LILRB3: variants seen among roughly 807,000 people sequenced by gnomAD.
LILRB3 encodes the protein leukocyte immunoglobulin-like receptor subfamily B member 3.
Under a neutral mutation model 68.2 loss-of-function variants are expected in LILRB3, and 32 were observed. The observed-to-expected ratio is 0.47, with a 90% CI of 0.35 to 0.63. LILRB3 has a LOEUF of 0.63. LILRB3 is among the 30% of genes least tolerant of loss of function. The pLI is 0.00. For missense variants in LILRB3, 502 were observed against 791.3 expected (o/e 0.63, Z 4.39); for synonymous variants, 185 against 323.1 (o/e 0.57, Z 4.58).
chr19:54,219,707 C>G, intron 7 of LILRB3: 1 of 983,442 alleles, frequency 1.0e-6, no homozygotes. Flanking sequence ...AAGGAACTTT[C>G]CCACCCACAG....
At chr19:54,216,853 T>C in exon 13 of LILRB3, 1 of 1,407,852 alleles carries the variant, frequency 7.1e-7, no homozygotes, top group South Asian at 1.6e-5. Context: ...TGTTTTTGTT[T>C]TTTGTTTTTT....
exon 8 of LILRB3, chr19:54,219,239 C>A: frequency 6.4e-7 from 1 of 1,573,236 alleles, no homozygotes; most frequent in South Asian, 1.2e-5. Flanking sequence ...CAGGTATCTT[C>A]CCAGACCTTG....
chr19:54,219,869 C>A (rs255772), intron 7 of LILRB3: 2 of 1,549,060 alleles, frequency 1.3e-6, no homozygotes, highest in Admixed American at 2.0e-5. Context: ...CCTCACTCAC[C>A]ATTCTGAGGG....
intron 7 of LILRB3, 142 bp from the exon 8 acceptor site, chr19:54,219,387 A>G: frequency 1.4e-6 from 2 of 1,457,078 alleles, no homozygotes; most frequent in African/African-American, 1.4e-5. Flanking sequence ...CGTACAACCC[A>G]TTTCACAGAT....
intron 11 of LILRB3, 57 bp downstream of exon 11, chr19:54,218,304 C>T (rs2077693893): frequency 4.4e-6 from 7 of 1,606,984 alleles, no homozygotes; most frequent in Admixed American, 3.3e-5. Context: ...AGAAGTCCTG[C>T]AGGATTAGAT....
chr19:54,218,375 C>T (rs2077703118), exon 11 of LILRB3: 1 of 1,614,018 alleles, frequency 6.2e-7, no homozygotes, highest in Non-Finnish European at 8.5e-7. Context: ...CTGTCCAGCT[C>T]CACCCTGTCC....
intron 8 of LILRB3, 35 bp downstream of exon 8, chr19:54,219,094 C>A (rs370434180): frequency 6.4e-7 from 1 of 1,557,360 alleles, no homozygotes; most frequent in Non-Finnish European, 8.7e-7. Flanking sequence ...AGCCCACCCT[C>A]GGTCGACCCA....
exon 12 of LILRB3, chr19:54,217,339 C>A (rs1334955210): frequency 1.3e-6 from 2 of 1,585,332 alleles, no homozygotes; most frequent in South Asian, 1.1e-5. Context: ...ATCTGCCTGT[C>A]CTCTTCCACC....
chr19:54,218,672 C>T, exon 10 of LILRB3: 2 of 1,614,210 alleles, frequency 1.2e-6, no homozygotes, highest in Non-Finnish European at 1.7e-6. Flanking sequence ...ACGTCAGCAG[C>T]TGGGCTGGAC....
exon 8 of LILRB3, chr19:54,219,229 C>G (rs1372133964): frequency 6.3e-7 from 1 of 1,583,410 alleles, no homozygotes; most frequent in Non-Finnish European, 8.6e-7. Flanking sequence ...TCAAAACCTC[C>G]AGGTATCTTC....
intron 7 of LILRB3, 36 bp from the exon 8 acceptor site, chr19:54,219,281 A>T: frequency 6.6e-7 from 1 of 1,520,458 alleles, no homozygotes; most frequent in Non-Finnish European, 8.8e-7. Flanking sequence ...GAATGATGTC[A>T]TTGATGTGAG....
chr19:54,217,031 C>A, exon 13 of LILRB3: 1 of 1,613,302 alleles, frequency 6.2e-7, no homozygotes, highest in African/African-American at 1.3e-5. Context: ...GGGGGCAGCT[C>A]CCGTGCCTTC....
exon 13 of LILRB3, chr19:54,216,917 A>G: frequency 6.9e-7 from 1 of 1,444,610 alleles, no homozygotes. Context: ...CCAAAATGGG[A>G]CGATATTAGT....
chr19:54,216,848 T>C (rs2147200227), exon 13 of LILRB3: 1 of 1,403,204 alleles, frequency 7.1e-7, no homozygotes, highest in Middle Eastern at 2.7e-4. Flanking sequence ...ACGTCTGTTT[T>C]TGTTTTTTGT....
rs1447597634 is a variant in LILRB3, at chr19:54,216,753, A to G, written c.*340T>C. On this transcript the variant is annotated 3_prime_UTR_variant, in exon 13 of 13. Transcript: ENST00000445347. ...GGCTGGAGTGCAGTGGCACAGTCAT[A>G]GCTCACTGCAGCCTCAGCAGCCTTA... 10 of 1,169,866 alleles carry G rather than the reference A, an allele frequency of 8.5e-6. No homozygotes were observed. In the East Asian group the frequency reaches 3.6e-4, roughly 43 times the overall value. The allele number at this position is 1,169,866 out of a possible 1,614,324, so 72.5% of individuals were successfully genotyped here.
rs2078098362 is a variant in LILRB3 at position 54,220,908 on chromosome 19, C to G, written c.956-78G>C. On this transcript the variant is annotated intron_variant, in intron 5 of 12. Coordinates refer to ENST00000445347, the Ensembl canonical transcript of LILRB3. The stretch of plus-strand genomic sequence containing the variant: ...ACCTCCCCAGGCCTCTCCCTGGGAC[C>G]CTCAGTGTCTCTGTCCCTGTTTTCT... 2.4e-5 allele frequency: 34 copies of G among 1,392,946 alleles called. No homozygotes were observed. The South Asian group carries it at 4.6e-4, about 19-fold the overall frequency. The allele number at this position is 1,392,946 out of a possible 1,614,324, so 86.3% of individuals were successfully genotyped here. A position where few individuals can be genotyped will look rare whatever the true frequency, so the allele number is the denominator to read the frequency against.
chr19:54,220,527 C>T lies in LILRB3; in HGVS notation c.1258+1G>A. The stretch of plus-strand genomic sequence containing the variant: ...AGAGAGGACGGGGTCAGCGCCCTCA[C>T]CTGAGACCATGAGTTCCAGGGGCTC... On this transcript the variant is annotated splice_donor_variant, in intron 6 of 12. Coordinates refer to ENST00000445347, the Ensembl canonical transcript of LILRB3. LOFTEE classifies it high-confidence loss of function. 1 of 1,358,250 alleles carries T rather than the reference C, an allele frequency of 7.4e-7. No individual in the cohort carries two copies. The highest frequency in any genetic ancestry group is 1.2e-5 in the South Asian group (1 of 82,076). 84.1% of individuals were successfully genotyped at this position (1,358,250 alleles called of 1,614,324 possible).
chr19:54,220,084 A>G, intron 7 of LILRB3, 71 bp downstream of exon 7: 1 of 1,491,334 alleles, frequency 6.7e-7, no homozygotes, highest in Non-Finnish European at 9.0e-7. Context: ...AGGGGAGGGG[A>G]GTGGGATCCT....
chr19:54,218,509 C>T (rs1184557627), intron 10 of LILRB3, 96 bp from the exon 11 acceptor site: 1 of 1,602,892 alleles, frequency 6.2e-7, no homozygotes, highest in East Asian at 2.2e-5. Flanking sequence ...CCACCGAATG[C>T]AGGGAGGTCC....
Sources: allele counts gnomAD v4.1 joint callset, GRCh38; gene constraint gnomAD v4.1.1; transcripts MANE v1.5; gene names NCBI Gene and HGNC (gene_info 2026-07-23, HGNC 2026-07-21).